DMD: variants seen among roughly 807,000 people sequenced by gnomAD.
DMD encodes mutant dystrophin.
A neutral mutation model predicts 330.1 loss-of-function variants in DMD; 63 were observed. The ratio of observed to expected loss-of-function variants is 0.19; its 90% confidence interval spans 0.16 to 0.24. The LOEUF (loss-of-function observed/expected upper bound fraction) is 0.24. DMD is among the 10% of genes least tolerant of loss of function. The probability of loss-of-function intolerance (pLI) is 1.00; values close to 1 mark genes in which losing one functional copy is unlikely to be tolerated. For synonymous variants in DMD, 1,223 were observed against 959.8 expected (o/e 1.27, Z -5.07); for missense variants, 3,344 against 2,684.1 (o/e 1.25, Z -5.43).
At chrX:32,456,353 TATAA>T (rs1452433318) in intron 25 of DMD, among the ~76,000 whole-genome samples, 1 of 111,116 alleles carries the variant, frequency 9.0e-6, no homozygotes, top group Non-Finnish European at 1.9e-5. Flanking sequence ...CTAGAAAAGG[TATAA>T]ATGTTATTTT....
intron 61 of DMD, among the ~76,000 whole-genome samples, chrX:31,327,803 T>A (rs191994219): frequency 8.9e-6 from 1 of 112,717 alleles, no homozygotes; most frequent in East Asian, 2.8e-4. Flanking sequence ...CTTTTGATAC[T>A]GGTTTATTTC....
chrX:32,498,078 T>A (rs1299355692), intron 19 of DMD, among the ~76,000 whole-genome samples: 1 of 111,575 alleles, frequency 9.0e-6, no homozygotes, highest in African/African-American at 3.2e-5. Context: ...CTTTTCAATA[T>A]GCACAGCTAC....
intron 78 of DMD, among the ~76,000 whole-genome samples, chrX:31,123,061 ACCAATAAAAATTAAAGATATC>A (rs998488046): frequency 7.2e-5 from 8 of 110,872 alleles, no homozygotes; most frequent in Admixed American, 5.8e-4. Context: ...TGTTAAAAAT[ACCAATAAAAATTAAAGATATC>A]CCAATAAAAA....
intron 1 of DMD, among the ~76,000 whole-genome samples, chrX:33,140,947 T>C (rs1569556294): frequency 2.7e-5 from 3 of 112,321 alleles, no homozygotes. Context: ...TACGTGTGTG[T>C]ATATATATAC....
intron 41 of DMD, among the ~76,000 whole-genome samples, chrX:32,335,420 GTA>G (rs1197330472): frequency 2.0e-5 from 2 of 102,286 alleles, no homozygotes; most frequent in East Asian, 3.1e-4. Flanking sequence ...TATATAACTT[GTA>G]TATATATGTT....
chrX:32,783,260 A>G (rs1291241237), intron 7 of DMD, among the ~76,000 whole-genome samples: 1 of 101,208 alleles, frequency 9.9e-6, no homozygotes, highest in East Asian at 3.1e-4. Flanking sequence ...ATACGTATAT[A>G]CACATATATG....
At chrX:32,409,743 G>A (rs2098134117) in intron 30 of DMD, among the ~76,000 whole-genome samples, 2 of 111,428 alleles carry the variant, frequency 1.8e-5, no homozygotes, top group African/African-American at 6.5e-5. Flanking sequence ...CATTCAGAAC[G>A]TCACAAGCAT....
chrX:32,558,942 T>C (rs935700775), intron 16 of DMD, among the ~76,000 whole-genome samples: 2 of 29,492 alleles, frequency 6.8e-5, no homozygotes, highest in African/African-American at 2.9e-4. Context: ...AATTTTCTTT[T>C]TTTTTTTTTT....
At chrX:32,435,537 C>G (rs1347372539) in intron 29 of DMD, among the ~76,000 whole-genome samples, 1 of 109,789 alleles carries the variant, frequency 9.1e-6, no homozygotes, top group Non-Finnish European at 1.9e-5. Flanking sequence ...AATCACATAG[C>G]CAGTGAATTA....
chrX:32,687,033 G>A (rs1603019435), intron 9 of DMD, among the ~76,000 whole-genome samples: 1 of 111,924 alleles, frequency 8.9e-6, no homozygotes, highest in East Asian at 2.8e-4. Flanking sequence ...AATATTCTTG[G>A]TATTAAATTA....
chrX:32,378,509 T>A (rs987841496), intron 34 of DMD, among the ~76,000 whole-genome samples: 3 of 110,306 alleles, frequency 2.7e-5, no homozygotes, highest in African/African-American at 9.8e-5. Flanking sequence ...AAACTAAAGG[T>A]CAAAAAATCA....
chrX:32,106,492 A>G (rs987283132), intron 44 of DMD, among the ~76,000 whole-genome samples: 2 of 112,031 alleles, frequency 1.8e-5, no homozygotes. Context: ...ATGAAACACT[A>G]GGATGAGCTT....
chrX:31,940,664 A>T (rs1303984916), intron 45 of DMD, among the ~76,000 whole-genome samples: 2 of 99,302 alleles, frequency 2.0e-5, no homozygotes, highest in African/African-American at 7.8e-5. Context: ...CTATTATGTT[A>T]AGCCACTGAG....
chrX:32,960,474 G>C (rs763419980), intron 2 of DMD: 18 of 112,158 alleles, frequency 1.6e-4, no homozygotes, highest in African/African-American at 5.2e-4. Context: ...CTTTGTTCCA[G>C]TCAAAACCCG....
At chrX:32,741,826 T>C (rs1382585080) in intron 7 of DMD, among the ~76,000 whole-genome samples, 1 of 111,935 alleles carries the variant, frequency 8.9e-6, no homozygotes. Flanking sequence ...TATATCTCAA[T>C]AAAGCTGTTC....
intron 61 of DMD, among the ~76,000 whole-genome samples, chrX:31,341,891 G>GCACACACACACACACA (rs58867858): frequency 1.3e-4 from 13 of 98,883 alleles, no homozygotes; most frequent in South Asian, 5.1e-4. Context: ...GTGCGCGCGC[G>GCACACACACACACACA]CACACACACA....
chrX:31,476,395 GTGTATATA>G (rs200889542), intron 59 of DMD, among the ~76,000 whole-genome samples: 6 of 89,771 alleles, frequency 6.7e-5, no homozygotes, highest in African/African-American at 2.7e-4. Context: ...ATGTGTGTGT[GTGTATATA>G]TATATATATA....
At chrX:32,400,140 C>T in intron 30 of DMD, among the ~76,000 whole-genome samples, 1 of 111,674 alleles carries the variant, frequency 9.0e-6, no homozygotes. Context: ...CCATCAATAC[C>T]TAATTTATTG....
At chrX:33,043,150 A>G (rs1181892275) in intron 1 of DMD, among the ~76,000 whole-genome samples, 2 of 112,172 alleles carry the variant, frequency 1.8e-5, no homozygotes, top group African/African-American at 6.5e-5. Context: ...AGAATCATTA[A>G]AGTACATTCA....
Sources: allele counts gnomAD v4.1 joint callset (sites outside exome capture counted in the v4.1 genomes callset), GRCh38; gene constraint gnomAD v4.1.1; transcripts MANE v1.5; gene names NCBI Gene and HGNC (gene_info 2026-07-23, HGNC 2026-07-21).